The following ZMIZ1 variants were observed in gnomAD, a reference collection of about 807,000 sequenced individuals.
The protein encoded by ZMIZ1 is zinc finger MIZ-type containing 1.
A neutral mutation model predicts 113.9 loss-of-function variants in ZMIZ1; 17 were observed. The ratio of observed to expected loss-of-function variants is 0.15; its 90% CI spans 0.10 to 0.22. ZMIZ1 has a LOEUF of 0.22. ZMIZ1 is among the 10% of genes least tolerant of loss of function. The probability of loss-of-function intolerance (pLI) is 1.00; values close to 1 mark genes in which losing one functional copy is unlikely to be tolerated. For missense variants in ZMIZ1, 1,059 were observed against 1,477.8 expected (o/e 0.72, Z 4.65); for synonymous variants, 607 against 603.1 (o/e 1.01, Z -0.09).
intron 1 of ZMIZ1, among the ~76,000 whole-genome samples, chr10:79,082,095 G>A (rs1039267650): frequency 2.0e-5 from 3 of 152,246 alleles, no homozygotes; most frequent in Non-Finnish European, 2.9e-5. Context: ...CACAGGAGAG[G>A]TGCCTCCATG....
intron 8 of ZMIZ1, 110 bp from the exon 9 acceptor site, chr10:79,289,665 T>C: frequency 1.0e-6 from 1 of 968,552 alleles, no homozygotes. Context: ...CGGATGGGGG[T>C]TACCTTGGAC....
intron 2 of ZMIZ1, among the ~76,000 whole-genome samples, chr10:79,127,863 TG>T (rs1844585056): frequency 6.6e-6 from 1 of 152,156 alleles, no homozygotes; most frequent in African/African-American, 2.4e-5. Context: ...ATTTACCTGG[TG>T]GGAAGGAGGG....
chr10:79,305,574 T>C lies in ZMIZ1; in HGVS notation c.2396T>C (p.Met799Thr), dbSNP rs1854629104. The stretch of plus-strand genomic sequence containing the variant: ...GAGGGCCTGGAGGTGGATCAGTACA[T>C]GTGGGGAATCCTGAATGCCATCCAA... ...LLEGLEVDQYMWGILNAIQHS... is the reference protein window; with the variant it reads ...LLEGLEVDQYTWGILNAIQHS... Residue 799 changes from methionine (M) to threonine (T), a missense_variant, in exon 21 of 25, where the codon ATG (methionine) becomes ACG (threonine). Physicochemically the swap from Met to Thr is moderately conservative, Grantham distance 81. Transcript: ENST00000334512. 4 of 1,613,952 alleles carry C rather than the reference T, an allele frequency of 2.5e-6. No homozygotes were observed. Among genetic ancestry groups the C allele is most frequent in the Non-Finnish European group, 3.4e-6 (4 of 1,179,956 alleles).
At chr10:79,295,669 C>T (rs1400836616) in intron 12 of ZMIZ1, 1 of 152,258 alleles carries the variant, frequency 6.6e-6, no homozygotes, top group East Asian at 1.9e-4. Flanking sequence ...TGACATTTAT[C>T]CCTAAGTCCA....
At chr10:79,160,380 A>G (rs540289165) in intron 3 of ZMIZ1, among the ~76,000 whole-genome samples, 2 of 152,220 alleles carry the variant, frequency 1.3e-5, no homozygotes. Flanking sequence ...TCCAGCACTC[A>G]TGGAGCCCAG....
At chr10:79,103,759 G>A (rs997016969) in intron 1 of ZMIZ1, among the ~76,000 whole-genome samples, 1 of 152,158 alleles carries the variant, frequency 6.6e-6, no homozygotes, top group African/African-American at 2.4e-5. Context: ...CTGTGTGGGC[G>A]AGTGCTTCCC....
chr10:79,114,576 G>T (rs772209428), intron 1 of ZMIZ1, among the ~76,000 whole-genome samples: 1 of 150,658 alleles, frequency 6.6e-6, no homozygotes, highest in Non-Finnish European at 1.5e-5. Flanking sequence ...GGGAAGGGGC[G>T]GGTAAAAGCC....
chr10:79,218,167 C>G (rs543503785), intron 7 of ZMIZ1, among the ~76,000 whole-genome samples: 1 of 152,084 alleles, frequency 6.6e-6, no homozygotes, highest in African/African-American at 2.4e-5. Context: ...GCTGGTTCCA[C>G]GAAAACTTTA....
intron 2 of ZMIZ1, among the ~76,000 whole-genome samples, chr10:79,128,388 C>T (rs537519809): frequency 3.9e-5 from 6 of 152,232 alleles, no homozygotes; most frequent in African/African-American, 7.2e-5. Flanking sequence ...GCCCAGGCTT[C>T]GGAGCTGGAC....
At chr10:79,246,012 G>A (rs146217134) in intron 7 of ZMIZ1, among the ~76,000 whole-genome samples, 171 of 152,386 alleles carry the variant, frequency 1.1e-3, no homozygotes, top group African/African-American at 4.0e-3. Context: ...GCCCACAAGT[G>A]TAACAGTGCA....
intron 1 of ZMIZ1, among the ~76,000 whole-genome samples, chr10:79,078,570 C>CTTTTTT (rs34178865): frequency 1.6e-4 from 14 of 87,796 alleles, no homozygotes; most frequent in East Asian, 9.9e-4. Context: ...CCACCCCCGA[C>CTTTTTT]TTTTTTTTTT....
chr10:79,166,491 C>T (rs1368667654), intron 4 of ZMIZ1, among the ~76,000 whole-genome samples: 1 of 152,246 alleles, frequency 6.6e-6, no homozygotes, highest in Non-Finnish European at 1.5e-5. Flanking sequence ...TGCCGGCCAC[C>T]TCCTGGCTCA....
At chr10:79,193,412 G>A (rs531231298) in intron 4 of ZMIZ1, among the ~76,000 whole-genome samples, 13 of 152,148 alleles carry the variant, frequency 8.5e-5, no homozygotes, top group African/African-American at 2.9e-4. Context: ...AACCCTCAAC[G>A]GGGTAACCAG....
intron 1 of ZMIZ1, among the ~76,000 whole-genome samples, chr10:79,115,118 A>AGC (rs1843965323): frequency 6.6e-6 from 1 of 152,190 alleles, no homozygotes; most frequent in Non-Finnish European, 1.5e-5. Flanking sequence ...TGGTGCTTAC[A>AGC]GCACCCACAG....
chr10:79,310,008 T>G (rs1413084817), intron 23 of ZMIZ1, among the ~76,000 whole-genome samples: 1 of 152,080 alleles, frequency 6.6e-6, no homozygotes, highest in East Asian at 1.9e-4. Flanking sequence ...AGCAGGGGAA[T>G]GTTCACATCT....
chr10:79,253,440 T>C (rs1331314874), intron 7 of ZMIZ1, among the ~76,000 whole-genome samples: 1 of 152,182 alleles, frequency 6.6e-6, no homozygotes, highest in African/African-American at 2.4e-5. Flanking sequence ...CCTTGGGGCT[T>C]ACGGGTACCT....
At chr10:79,234,708 C>T (rs745897466) in intron 7 of ZMIZ1, among the ~76,000 whole-genome samples, 3 of 152,204 alleles carry the variant, frequency 2.0e-5, no homozygotes, top group Non-Finnish European at 4.4e-5. Flanking sequence ...AGCGTCTTTG[C>T]CTTGACAAAA....
chr10:79,311,804 G>A (rs1855187881), intron 24 of ZMIZ1, among the ~76,000 whole-genome samples: 1 of 152,096 alleles, frequency 6.6e-6, no homozygotes, highest in South Asian at 2.1e-4. Context: ...CCTGGATGAT[G>A]GGGCTGGGCT....
At chr10:79,253,042 C>T (rs1445487143) in intron 7 of ZMIZ1, among the ~76,000 whole-genome samples, 1 of 152,188 alleles carries the variant, frequency 6.6e-6, no homozygotes, top group Non-Finnish European at 1.5e-5. Flanking sequence ...ATCCCCTCCC[C>T]TCTGGGAGCT....
Sources: allele counts gnomAD v4.1 joint callset (sites outside exome capture counted in the v4.1 genomes callset), GRCh38; gene constraint gnomAD v4.1.1; transcripts MANE v1.5; gene names NCBI Gene and HGNC (gene_info 2026-07-23, HGNC 2026-07-21).